The following SIL1 variants were observed in gnomAD, a reference collection of about 807,000 sequenced individuals.
SIL1 encodes the protein SIL1 nucleotide exchange factor.
Under a neutral mutation model 49.1 loss-of-function variants are expected in SIL1, and 40 were observed. The ratio of observed to expected loss-of-function variants is 0.81; its 90% CI spans 0.63 to 1.06. The LOEUF (loss-of-function observed/expected upper bound fraction) is 1.06, where lower values mean the gene tolerates loss of function less well. Among genes scored for constraint, SIL1 ranks in the 50% least tolerant of loss-of-function variants. The pLI is 0.00. For missense variants in SIL1, 500 were observed against 572.6 expected, an observed-to-expected ratio of 0.87 and a Z score of 1.29; for synonymous variants, 253 against 250.8, an observed-to-expected ratio of 1.01 and a Z score of -0.08.
chr5:139,053,581 G>A (rs1446413340), intron 3 of SIL1, among the ~76,000 whole-genome samples: 2 of 152,228 alleles, frequency 1.3e-5, no homozygotes, highest in African/African-American at 4.8e-5. Context: ...ATGAGGCCCT[G>A]CAGTATCTGG....
chr5:138,999,060 T>G (rs911050862), intron 7 of SIL1, among the ~76,000 whole-genome samples: 1 of 152,072 alleles, frequency 6.6e-6, no homozygotes, highest in Admixed American at 6.6e-5. Flanking sequence ...TTTCACTATG[T>G]TGGCCAGGCT....
intron 1 of SIL1, among the ~76,000 whole-genome samples, chr5:139,178,803 A>C (rs1437544904): frequency 3.3e-5 from 5 of 152,092 alleles, no homozygotes; most frequent in Non-Finnish European, 7.4e-5. Context: ...GTACACTCTA[A>C]GCTGGAACCC....
At chr5:139,095,834 T>A (rs1203638104) in intron 3 of SIL1, among the ~76,000 whole-genome samples, 184 of 142,172 alleles carry the variant, frequency 1.3e-3, no homozygotes, top group African/African-American at 2.9e-3. Context: ...TGTCAAAATT[T>A]AAAAAAAAAA....
Position 139,171,229 on chromosome 5 carries a change from G to T in SIL1, c.-11+27040C>A, listed in dbSNP as rs1378104352. On this transcript the variant is annotated intron_variant, in intron 1 of 9. Coordinates refer to ENST00000394817, the MANE Select transcript of SIL1 (RefSeq NM_022464.5). Reference sequence around the variant, plus strand: ...CAACAGCTCATTGAGAACGGGCCGGGATGACAATGGCGGTTTTGTGGAATA... The same window carrying T: ...CAACAGCTCATTGAGAACGGGCCGGTATGACAATGGCGGTTTTGTGGAATA... Among the ~76,000 whole-genome samples the T allele has an allele frequency of 2.0e-5, 3 of 152,230 alleles. 1 individual carries two copies. Among genetic ancestry groups the T allele is most frequent in the Non-Finnish European group, 4.4e-5 (3 of 68,038 alleles).
At chr5:139,105,223 G>T (rs1452537265) in intron 3 of SIL1, among the ~76,000 whole-genome samples, 1 of 152,174 alleles carries the variant, frequency 6.6e-6, no homozygotes, top group African/African-American at 2.4e-5. Flanking sequence ...GATATGTGGG[G>T]AAGGTGGTGG....
At chr5:139,118,244 C>T (rs141389492) in intron 3 of SIL1, among the ~76,000 whole-genome samples, 162 of 152,320 alleles carry the variant, frequency 1.1e-3, no homozygotes, top group Middle Eastern at 3.4e-3. Flanking sequence ...ATCGTAAGTT[C>T]CCTTTCCCAT....
At chr5:138,962,517 C>T (rs1024702812) in intron 7 of SIL1, among the ~76,000 whole-genome samples, 1 of 152,144 alleles carries the variant, frequency 6.6e-6, no homozygotes, top group Non-Finnish European at 1.5e-5. Context: ...GGGATTGTTG[C>T]GGGGATGAAA....
At chr5:138,984,646 A>G (rs549594156) in intron 7 of SIL1, among the ~76,000 whole-genome samples, 30 of 152,300 alleles carry the variant, frequency 2.0e-4, no homozygotes, top group Admixed American at 1.7e-3. Context: ...GGCATGAGCC[A>G]CTGCACCCAG....
At chr5:139,009,154 G>T (rs1198161261) in intron 7 of SIL1, among the ~76,000 whole-genome samples, 1 of 150,416 alleles carries the variant, frequency 6.6e-6, no homozygotes, top group Non-Finnish European at 1.5e-5. Context: ...TCCTGTATTG[G>T]GTGCATATAT....
intron 1 of SIL1, among the ~76,000 whole-genome samples, chr5:139,191,610 C>G (rs62382984): frequency 0.37 from 55,396 of 150,824 alleles, 12,257 homozygotes; most frequent in South Asian, 0.52. Context: ...AAGCAAGACC[C>G]TGTCTCTTTA....
chr5:139,041,683 A>G (rs1769050376), intron 5 of SIL1, among the ~76,000 whole-genome samples: 2 of 152,082 alleles, frequency 1.3e-5, no homozygotes, highest in African/African-American at 4.8e-5. Context: ...AAGCACCTGT[A>G]ATCCCAGCTA....
chr5:139,051,086 T>A lies in SIL1; in HGVS notation c.245-40A>T, dbSNP rs750395935. Reference sequence around the variant, plus strand: ...GAGAAAAGGCTCATGAGGTACAAGGTCTTTGGAAGGCTGTCGGGATGGCCA... The same window carrying A: ...GAGAAAAGGCTCATGAGGTACAAGGACTTTGGAAGGCTGTCGGGATGGCCA... On this transcript the variant is annotated intron_variant, in intron 3 of 9. Coordinates refer to ENST00000394817, the MANE Select transcript of SIL1 (RefSeq NM_022464.5). 1.9e-6 allele frequency: 3 copies of A among 1,593,806 alleles called. No individual in the cohort carries two copies. In the East Asian group the frequency reaches 6.7e-5, roughly 36 times the overall value.
At chr5:138,993,551 T>C (rs1303234121) in intron 7 of SIL1, among the ~76,000 whole-genome samples, 1 of 152,198 alleles carries the variant, frequency 6.6e-6, no homozygotes, top group Non-Finnish European at 1.5e-5. Flanking sequence ...ACAAGATATA[T>C]ACGACTATGT....
Position 139,127,723 on chromosome 5 carries a change from C to T in SIL1, c.105+16G>A. ...CCTCATCAAGGGTCCCTCCCATTTA[C>T]AATAAAGATATTTACCAGGTTCTGA... On this transcript the variant is annotated intron_variant, in intron 2 of 9. Coordinates refer to ENST00000394817, the MANE Select transcript of SIL1 (RefSeq NM_022464.5). The T allele has an allele frequency of 6.3e-7, 1 of 1,599,416 alleles. No homozygotes were observed. Among genetic ancestry groups the T allele is most frequent in the Non-Finnish European group, 8.5e-7 (1 of 1,173,052 alleles).
intron 4 of SIL1, among the ~76,000 whole-genome samples, chr5:139,049,374 A>T (rs148980495): frequency 0.013 from 1,930 of 152,306 alleles, 37 homozygotes; most frequent in African/African-American, 0.043. Flanking sequence ...ACAGGGTTTC[A>T]TCATGTTGGC....
chr5:139,165,658 TTTATTA>T lies in SIL1; in HGVS notation c.-11+32605_-11+32610del, dbSNP rs776145155. Among the ~76,000 whole-genome samples the T allele has an allele frequency of 4.7e-4, 71 of 151,360 alleles. 1 individual carries two copies. The Middle Eastern group carries it at 0.014, about 29-fold the overall frequency. ...ACCAATGTCTGTCTTTTTTATTATTTTTATTATTATTATTTTTTGAGACGGGGTCTC... is the reference window on the plus strand; with the variant it reads ...ACCAATGTCTGTCTTTTTTATTATTTTTATTATTTTTTGAGACGGGGTCTC... On this transcript the variant is annotated intron_variant, in intron 1 of 9. Coordinates refer to ENST00000394817, the MANE Select transcript of SIL1 (RefSeq NM_022464.5).
chr5:139,146,413 C>G (rs1751198014), intron 1 of SIL1, among the ~76,000 whole-genome samples: 1 of 151,954 alleles, frequency 6.6e-6, no homozygotes, highest in South Asian at 2.1e-4. Flanking sequence ...AAAAACTCAG[C>G]CAGGCATGGA....
At chr5:139,040,377 T>C (rs1030104898) in intron 5 of SIL1, among the ~76,000 whole-genome samples, 4 of 152,020 alleles carry the variant, frequency 2.6e-5, no homozygotes, top group African/African-American at 7.3e-5. Flanking sequence ...AAGAGTATGA[T>C]AGCCAGACCT....
intron 1 of SIL1, among the ~76,000 whole-genome samples, chr5:139,134,496 A>C (rs769169980): frequency 3.1e-4 from 47 of 152,172 alleles, no homozygotes; most frequent in Non-Finnish European, 8.8e-5. Flanking sequence ...CATCAGAGCC[A>C]GGCCAGGCAA....
Sources: gnomAD v4.1 joint callset for allele counts (sites outside exome capture counted in the v4.1 genomes callset) on GRCh38, gnomAD v4.1.1 for gene constraint, MANE v1.5 for transcripts, NCBI Gene and HGNC (gene_info 2026-07-23, HGNC 2026-07-21) for gene names.